Variants in GRIN3A observed in about 807,000 individuals in gnomAD.
The protein encoded by GRIN3A is glutamate receptor ionotropic, NMDA 3A.
A neutral mutation model predicts 92.4 loss-of-function variants in GRIN3A; 47 were observed. The ratio of observed to expected loss-of-function variants is 0.51; its 90% CI spans 0.40 to 0.65. The LOEUF (loss-of-function observed/expected upper bound fraction) is 0.65. GRIN3A is among the 30% of genes least tolerant of loss of function. The pLI is 0.00. For synonymous variants in GRIN3A, 527 were observed against 540.6 expected, an observed-to-expected ratio of 0.97 and a Z score of 0.35; for missense variants, 1,324 against 1,393.1, an observed-to-expected ratio of 0.95 and a Z score of 0.79.
intron 4 of GRIN3A, 34 bp from the exon 5 acceptor site, chr9:101,623,467 G>A: frequency 7.9e-6 from 11 of 1,398,502 alleles, no homozygotes; most frequent in Non-Finnish European, 1.1e-5. Context: ...AAGTGAAAAT[G>A]ATTCATTAAT....
intron 5 of GRIN3A, among the ~76,000 whole-genome samples, chr9:101,614,537 T>G (rs370922194): frequency 1.3e-4 from 19 of 151,818 alleles, no homozygotes; most frequent in African/African-American, 4.6e-4. Context: ...GAATTCATTG[T>G]GTAAATATTA....
chr9:101,597,711 G>C (rs975025875), intron 6 of GRIN3A, among the ~76,000 whole-genome samples: 1 of 152,178 alleles, frequency 6.6e-6, no homozygotes. Context: ...AAATAGAACA[G>C]CAGATAATTG....
rs1411762389 is a variant in GRIN3A at position 101,670,170 on chromosome 9, G to A, written c.2242C>T (p.Leu748Phe). 3 of 1,613,654 alleles carry A rather than the reference G, an allele frequency of 1.9e-6. No individual in the cohort carries two copies. Among genetic ancestry groups the A allele is most frequent in the Non-Finnish European group, 2.5e-6 (3 of 1,179,784 alleles). Residue 748 changes from leucine to phenylalanine, a missense_variant, in exon 3 of 9, where the codon CTT becomes TTT. By Grantham distance (22) the Leu-to-Phe change is conservative. Coordinates refer to ENST00000361820, the MANE Select transcript of GRIN3A (RefSeq NM_133445.3). ...CAAAACATACAGAAAATGGCCCAAAGGTTCATTAGAAACCTTCCAGTCCAA... is the reference window on the plus strand; with the variant it reads ...CAAAACATACAGAAAATGGCCCAAAAGTTCATTAGAAACCTTCCAGTCCAA... ...KCWTGRFLMN[L>F]WAIFCMFCLS... is the part of the protein sequence containing the mutation.
At chr9:101,696,475 C>T (rs1829686006) in intron 1 of GRIN3A, among the ~76,000 whole-genome samples, 1 of 152,110 alleles carries the variant, frequency 6.6e-6, no homozygotes, top group South Asian at 2.1e-4. Flanking sequence ...ATTTTAAGAA[C>T]TTTTGGAATA....
In GRIN3A at chr9:101,663,455, G is replaced by T. The variant is rs1034073566; in HGVS notation, c.2352+6605C>A. Among the ~76,000 whole-genome samples the T allele has an allele frequency of 1.4e-3, 211 of 151,946 alleles. 1 individual carries two copies. The highest frequency in any genetic ancestry group is 4.9e-3 in the African/African-American group (202 of 41,484). On this transcript the variant is annotated intron_variant, in intron 3 of 8. Coordinates refer to ENST00000361820, the MANE Select transcript of GRIN3A (RefSeq NM_133445.3). ...TGCTGTTATTGAATGAATTAAGAAAGAATGAATGAGTGGATTGGTGTAACT... is the reference window on the plus strand; with the variant it reads ...TGCTGTTATTGAATGAATTAAGAAATAATGAATGAGTGGATTGGTGTAACT...
chr9:101,576,060 G>T (rs897711549), intron 8 of GRIN3A, among the ~76,000 whole-genome samples: 4 of 152,206 alleles, frequency 2.6e-5, no homozygotes, highest in African/African-American at 4.8e-5. Flanking sequence ...AATGCTGAGT[G>T]TAAGACTCAG....
Position 101,611,698 on chromosome 9 carries a change from C to T in GRIN3A, c.2766+1678G>A, listed in dbSNP as rs182724122. ...AAATCTTTGTCCCTCACCAAGCTCT[C>T]ACAGTTTAATGAAGGGACACACTAA... On this transcript the variant is annotated intron_variant, in intron 6 of 8. Transcript: ENST00000361820. 1.5e-4 allele frequency among the ~76,000 whole-genome samples: 23 copies of T among 152,282 alleles called. No individual in the cohort carries two copies. The South Asian group carries it at 3.1e-3, about 21-fold the overall frequency.
At chr9:101,619,756 A>G (rs890807679) in intron 5 of GRIN3A, among the ~76,000 whole-genome samples, 1 of 152,218 alleles carries the variant, frequency 6.6e-6, no homozygotes, top group African/African-American at 2.4e-5. Context: ...ATCACACATC[A>G]TTATTGTGCA....
rs1448799074 is a variant in GRIN3A at position 101,670,078 on chromosome 9, A to G, written c.2334T>C (p.Ser778=). The change falls in exon 3 of 9, where the codon TCT becomes TCC. Residue 778 remains serine (S), a synonymous_variant. Coordinates refer to ENST00000361820, the MANE Select transcript of GRIN3A (RefSeq NM_133445.3). ...GTATTACCTTGGGGTCATGTATTCC[A>G]GAAAGCTCTTCATAGATCTTCTCAC... ...MVGEKIYEEL[S]GIHDPKLHHP... 6.2e-7 allele frequency: 1 copy of G among 1,613,318 alleles called. No individual in the cohort carries two copies. The highest frequency in any genetic ancestry group is 1.3e-5 in the African/African-American group (1 of 75,028).
chr9:101,724,496 C>T (rs545757246), intron 1 of GRIN3A, among the ~76,000 whole-genome samples: 2 of 152,166 alleles, frequency 1.3e-5, no homozygotes, highest in Non-Finnish European at 2.9e-5. Context: ...TCTCCCTCCG[C>T]ACCTCCCTGC....
At position 101,625,512 on chromosome 9, in the gene GRIN3A, G is replaced by C. The variant is rs10119283; in HGVS notation, c.2499-2079C>G. ...AGTTGGCAGGTCAGCTTCCCTTTTT[G>C]GTACCAATGACCGTTGCTTTCTTAT... On this transcript the variant is annotated intron_variant, in intron 4 of 8. Transcript: ENST00000361820. 8.9e-3 allele frequency among the ~76,000 whole-genome samples: 1,351 copies of C among 152,236 alleles called. 24 individuals are homozygous for C. The highest frequency in any genetic ancestry group is 0.031 in the African/African-American group (1,297 of 41,532).
chr9:101,738,413 T>C lies in GRIN3A; in HGVS notation c.-434A>G, dbSNP rs114352094. ...GCTCTCGCCTGGATTCTTTTCCTTT[T>C]CTGCCCAGGCGAGACCCACTTATTT... On this transcript the variant is annotated 5_prime_UTR_variant, in exon 1 of 9. Transcript: ENST00000361820. The C allele has an allele frequency of 0.076, 16,859 of 222,670 alleles. 1,205 individuals are homozygous for C. The highest frequency in any genetic ancestry group is 0.21 in the African/African-American group (8,902 of 42,080). The allele number at this position is 222,670 out of a possible 1,614,324, so 13.8% of individuals were successfully genotyped here.
At chr9:101,685,629 T>C (rs927981766) in intron 2 of GRIN3A, among the ~76,000 whole-genome samples, 7 of 151,956 alleles carry the variant, frequency 4.6e-5, no homozygotes, top group African/African-American at 7.2e-5. Flanking sequence ...TGTTCTCTAT[T>C]TTAAATGGAC....
intron 6 of GRIN3A, among the ~76,000 whole-genome samples, chr9:101,601,395 C>A (rs1029231191): frequency 1.7e-4 from 26 of 152,126 alleles, no homozygotes; most frequent in African/African-American, 4.1e-4. Flanking sequence ...GGACAAGAGA[C>A]CAGTATCTGG....
chr9:101,678,576 T>C (rs1564142605), intron 2 of GRIN3A, among the ~76,000 whole-genome samples: 1 of 152,140 alleles, frequency 6.6e-6, no homozygotes, highest in Non-Finnish European at 1.5e-5. Context: ...TATGAATCAT[T>C]TGGGTCTATG....
At chr9:101,710,910 T>A (rs144824895) in intron 1 of GRIN3A, among the ~76,000 whole-genome samples, 13 of 152,334 alleles carry the variant, frequency 8.5e-5, no homozygotes, top group African/African-American at 2.9e-4. Flanking sequence ...TTATGCTATG[T>A]TTTCTCATAT....
chr9:101,582,305 G>A (rs1052977729), intron 6 of GRIN3A, among the ~76,000 whole-genome samples: 4 of 152,142 alleles, frequency 2.6e-5, no homozygotes, highest in African/African-American at 9.7e-5. Flanking sequence ...TTCCCTCCAT[G>A]CCAGTACTGC....
At chr9:101,638,391 T>C (rs1208046351) in intron 3 of GRIN3A, among the ~76,000 whole-genome samples, 1 of 152,250 alleles carries the variant, frequency 6.6e-6, no homozygotes, top group Non-Finnish European at 1.5e-5. Context: ...CTGGCCTCCA[T>C]GTCTTCTCAT....
chr9:101,733,418 T>C (rs1301959242), intron 1 of GRIN3A, among the ~76,000 whole-genome samples: 2 of 152,220 alleles, frequency 1.3e-5, no homozygotes, highest in East Asian at 3.8e-4. Context: ...GATCACTGCT[T>C]TAAAAAGTTT....
Sources: gnomAD v4.1 joint callset for allele counts (sites outside exome capture counted in the v4.1 genomes callset) on GRCh38, gnomAD v4.1.1 for gene constraint, MANE v1.5 for transcripts, NCBI Gene and HGNC (gene_info 2026-07-23, HGNC 2026-07-21) for gene names.